Variants in BIN1 observed in about 807,000 individuals in gnomAD.
The protein encoded by BIN1 is myc box-dependent-interacting protein 1.
In BIN1, 53 loss-of-function variants were observed where a neutral mutation model predicts 82.0. The ratio of observed to expected loss-of-function variants is 0.65; its 90% CI spans 0.52 to 0.81. The LOEUF is 0.81. Among genes scored for constraint, BIN1 ranks in the 40% least tolerant of loss-of-function variants. The probability of loss-of-function intolerance (pLI) is 0.00; values close to 1 mark genes in which losing one functional copy is unlikely to be tolerated. For synonymous variants in BIN1, 302 were observed against 328.0 expected, an observed-to-expected ratio of 0.92 and a Z score of 0.86; for missense variants, 642 against 784.4, an observed-to-expected ratio of 0.82 and a Z score of 2.17.
At position 127,063,923 on chromosome 2, in the gene BIN1, T is replaced by C. The variant is rs72481904; in HGVS notation, c.698+10A>G. ...GCCCCACGCAGGCTGGGCACCGTGC[T>C]GGGCCTCACCTGTTCCACAGGGACG... On this transcript the variant is annotated intron_variant, in intron 8 of 18. Coordinates refer to ENST00000316724, the MANE Select transcript of BIN1 (RefSeq NM_139343.3). The C allele has an allele frequency of 0.36, 573,242 of 1,613,204 alleles. 105,053 individuals carry two copies. Among genetic ancestry groups the C allele is most frequent in the South Asian group, 0.49 (44,806 of 91,086 alleles).
rs111501179 is a variant in BIN1 at position 127,053,473 on chromosome 2, A to G, written c.1240-28T>C. ...GAGCGCAGCAGTGAGGGCGAGAAGG[A>G]CAGTTAGCACAGAGGTTAGAGACAG... On this transcript the variant is annotated intron_variant, in intron 13 of 18. Transcript: ENST00000316724. The G allele has an allele frequency of 2.7e-4, 429 of 1,612,740 alleles. No individual in the cohort carries two copies. In the African/African-American group the frequency reaches 5.3e-3, roughly 20 times the overall value.
At chr2:127,064,850 G>C (rs1684943618) in intron 7 of BIN1, 1 of 152,506 alleles carries the variant, frequency 6.6e-6, no homozygotes, top group African/African-American at 2.4e-5. Context: ...GTGAGTCACA[G>C]ACCCTGCCCG....
chr2:127,084,426 C>T (rs1179373653), intron 1 of BIN1, among the ~76,000 whole-genome samples: 6 of 152,218 alleles, frequency 3.9e-5, no homozygotes, highest in Admixed American at 1.3e-4. Flanking sequence ...GTTTCGGACA[C>T]GTCCTCATTC....
At chr2:127,054,259 G>A (rs903195564) in intron 12 of BIN1, 12 of 546,340 alleles carry the variant, frequency 2.2e-5, no homozygotes, top group Non-Finnish European at 3.3e-5. Flanking sequence ...CCCACACCAG[G>A]AGGACGACCC....
At chr2:127,075,832 C>T (rs1167746656) in intron 2 of BIN1, among the ~76,000 whole-genome samples, 11 of 142,740 alleles carry the variant, frequency 7.7e-5, no homozygotes, top group Admixed American at 2.8e-4. Context: ...GAATGCTCCC[C>T]GGCCCTCTCC....
In BIN1 at chr2:127,088,764, C is replaced by T. The variant is rs532064499; in HGVS notation, c.85-12058G>A. ...TTAAAAAAAAAAAAAAAGAGAGACA[C>T]TGAAGGGCTGGGGGTGAGGGGAGAG... On this transcript the variant is annotated intron_variant, in intron 1 of 18. Transcript: ENST00000316724. 1.8e-3 allele frequency among the ~76,000 whole-genome samples: 271 copies of T among 151,458 alleles called. 2 individuals carry two copies. The highest frequency in any genetic ancestry group is 3.4e-3 in the Middle Eastern group (1 of 294).
chr2:127,078,463 G>A (rs13426976), intron 1 of BIN1, among the ~76,000 whole-genome samples: 3,289 of 152,270 alleles, frequency 0.022, 142 homozygotes, highest in African/African-American at 0.076. Flanking sequence ...CAGAAAGATG[G>A]AGCATCTTAC....
At position 127,067,249 on chromosome 2, in the gene BIN1, C is replaced by A. The variant is rs1022393141; in HGVS notation, c.612+914G>T. ...GGCCGGGCCCCTATCGCCAGCCTCT[C>A]GGGAATATGGAGAAGTGTGAGGGCC... On this transcript the variant is annotated intron_variant, in intron 7 of 18. Transcript: ENST00000316724. The surrounding 1 kb of genome is among the most constrained non-coding windows in gnomAD (Gnocchi z 4.7). Among the ~76,000 whole-genome samples, 2 of 152,060 alleles carry A rather than the reference C, an allele frequency of 1.3e-5. No individual in the cohort carries two copies. Among genetic ancestry groups the A allele is most frequent in the Admixed American group, 6.5e-5 (1 of 15,278 alleles).
In BIN1 at chr2:127,068,182, G is replaced by A. The variant is rs766351222; in HGVS notation, c.593C>T (p.Thr198Ile). Reference sequence around the variant, plus strand: ...TGTCACCTGATTTCGGAGCAGGTTAGTTTGAGCTACGAGATGAGCCTGCAG... The same window carrying A: ...TGTCACCTGATTTCGGAGCAGGTTAATTTGAGCTACGAGATGAGCCTGCAG... ...GKLQAHLVAQ[T>I]NLLRNQAEEE... Residue 198 changes from threonine (T) to isoleucine (I), a missense_variant, in exon 7 of 19, where the codon ACT becomes ATT. Transcript: ENST00000316724. The surrounding 1 kb of genome is among the most constrained non-coding windows in gnomAD (Gnocchi z 4.9). 1.9e-6 allele frequency: 3 copies of A among 1,613,848 alleles called. No individual in the cohort carries two copies. The East Asian group carries it at 6.7e-5, about 36-fold the overall frequency.
At chr2:127,054,416 C>A (rs1171933687) in intron 12 of BIN1, 1 of 271,796 alleles carries the variant, frequency 3.7e-6, no homozygotes, top group East Asian at 9.8e-5. Flanking sequence ...CCGCTCCCTG[C>A]GCCAAGAGTT....
chr2:127,053,306 T>G, intron 14 of BIN1, 116 bp downstream of exon 14: 5 of 1,422,322 alleles, frequency 3.5e-6, no homozygotes, highest in Non-Finnish European at 4.9e-6. Context: ...GTGTCCTGCG[T>G]GTGGGGGGTG....
Position 127,067,525 on chromosome 2 carries a change from T to C in BIN1, c.612+638A>G, listed in dbSNP as rs1197225201. 6.6e-6 allele frequency among the ~76,000 whole-genome samples: 1 copy of C among 152,186 alleles called. No individual in the cohort carries two copies. The highest frequency in any genetic ancestry group is 1.5e-5 in the Non-Finnish European group (1 of 68,028). On this transcript the variant is annotated intron_variant, in intron 7 of 18. Transcript: ENST00000316724. The surrounding 1 kb of genome is among the most constrained non-coding windows in gnomAD (Gnocchi z 4.7). ...TGTGGTGCTGGTCACTTGCCCTCCA[T>C]GAATCCCCAAAGGCCAAGGACCCAT...
intron 1 of BIN1, chr2:127,081,832 C>T: frequency 7.8e-7 from 1 of 1,288,290 alleles, no homozygotes. Context: ...AGGCCCTCAC[C>T]TTCCGCATCA....
In BIN1 at chr2:127,076,618, ACACT is replaced by A; in HGVS notation, c.165+4_165+7del. 6.2e-7 allele frequency: 1 copy of A among 1,614,066 alleles called. No individual in the cohort carries two copies. Among genetic ancestry groups the A allele is most frequent in the Non-Finnish European group, 8.5e-7 (1 of 1,180,026 alleles). On this transcript the variant is annotated splice_donor_5th_base_variant and intron_variant, in intron 2 of 18. Coordinates refer to ENST00000316724, the MANE Select transcript of BIN1 (RefSeq NM_139343.3). The stretch of plus-strand genomic sequence containing the variant: ...AACTCCCTAAGGCCAAGGGCCACCC[ACACT>A]CACCAGCTGCTTGTTGAAATTCTGG...
chr2:127,084,864 C>T (rs762891052), intron 1 of BIN1, among the ~76,000 whole-genome samples: 1 of 152,218 alleles, frequency 6.6e-6, no homozygotes, highest in Non-Finnish European at 1.5e-5. Flanking sequence ...CTGCCCCAGG[C>T]TGGTGACTGC....
rs1685502329 is a variant in BIN1 at position 127,068,892 on chromosome 2, A to G, written c.519+32T>C. 6.3e-7 allele frequency: 1 copy of G among 1,589,468 alleles called. No homozygotes were observed. ...CACCCGCCCTCTCTCAGCCCCCTGC[A>G]GACGCTGCCCCGACCCGCCTCCAGC... On this transcript the variant is annotated intron_variant, in intron 6 of 18. Coordinates refer to ENST00000316724, the MANE Select transcript of BIN1 (RefSeq NM_139343.3). The surrounding 1 kb of genome is among the most constrained non-coding windows in gnomAD (Gnocchi z 4.9).
chr2:127,064,035 G>A lies in BIN1; in HGVS notation c.613-17C>T, dbSNP rs763214423. 1.2e-6 allele frequency: 2 copies of A among 1,613,678 alleles called. No individual in the cohort carries two copies. Among genetic ancestry groups the A allele is most frequent in the East Asian group, 2.2e-5 (1 of 44,882 alleles). ...CTCCTCGGCCTGGGGGGCAGCACGG[G>A]TCATTCCCCTCTGTTGGGCGTCCCA... is the stretch of plus-strand genomic sequence containing the variant. On this transcript the variant is annotated splice_polypyrimidine_tract_variant and intron_variant, in intron 7 of 18. Transcript: ENST00000316724.
intron 1 of BIN1, among the ~76,000 whole-genome samples, chr2:127,084,081 C>T (rs1677816078): frequency 6.6e-6 from 1 of 152,228 alleles, no homozygotes; most frequent in Non-Finnish European, 1.5e-5. Flanking sequence ...ATCCATCATT[C>T]TTTGCTATTC....
At chr2:127,065,753 G>A (rs535949850) in intron 7 of BIN1, among the ~76,000 whole-genome samples, 72 of 152,324 alleles carry the variant, frequency 4.7e-4, no homozygotes, top group Middle Eastern at 6.8e-3. Context: ...GCACCCAGCC[G>A]TGCTCTCACC....
Sources: gnomAD v4.1 joint callset for allele counts (sites outside exome capture counted in the v4.1 genomes callset) on GRCh38, gnomAD v4.1.1 for gene constraint, Gnocchi (gnomAD v3.1) non-coding constraint, MANE v1.5 for transcripts, NCBI Gene and HGNC (gene_info 2026-07-23, HGNC 2026-07-21) for gene names.